The following TEAD3 variants were observed in gnomAD, a reference collection of about 807,000 sequenced individuals.
The protein encoded by TEAD3 is transcriptional enhancer factor TEF-5.
A neutral mutation model predicts 55.6 loss-of-function variants in TEAD3; 15 were observed. The ratio of observed to expected loss-of-function variants is 0.27; its 90% CI spans 0.18 to 0.42. TEAD3 has a LOEUF of 0.42. Among genes scored for constraint, TEAD3 ranks in the 10% least tolerant of loss-of-function variants. The pLI, the probability that TEAD3 is intolerant of heterozygous loss-of-function variation, is 1.00. For missense variants in TEAD3, 407 were observed against 576.8 expected, an observed-to-expected ratio of 0.71 and a Z score of 3.01; for synonymous variants, 210 against 232.2, an observed-to-expected ratio of 0.90 and a Z score of 0.87.
Position 35,480,394 on chromosome 6 carries a change from C to T in TEAD3, c.268-272G>A. ...GGACACCTAGGGGCCGCCCCGCGCC[C>T]CGCCAGAGAGGAAAACATAGACAGT... On this transcript the variant is annotated intron_variant, in intron 3 of 12. Coordinates refer to ENST00000639578, the Ensembl canonical transcript of TEAD3. 1.9e-6 allele frequency: 3 copies of T among 1,613,308 alleles called. No homozygotes were observed. Among genetic ancestry groups the T allele is most frequent in the Non-Finnish European group, 2.5e-6 (3 of 1,179,670 alleles).
chr6:35,486,728 C>T lies in TEAD3; in HGVS notation c.-49-17G>A. ...CGGCTGAGCCTGGGGGACAGACAGA[C>T]AGGAACTGGGACCAGGGTCCTCCTC... On this transcript the variant is annotated splice_polypyrimidine_tract_variant and intron_variant, in intron 1 of 12. Transcript: ENST00000639578. This position sits in a 1 kb window ranked among gnomAD's most constrained non-coding sequence, Gnocchi z 7.3. 6.4e-7 allele frequency: 1 copy of T among 1,552,578 alleles called. No individual in the cohort carries two copies. The highest frequency in any genetic ancestry group is 8.8e-7 in the Non-Finnish European group (1 of 1,137,944).
Position 35,475,113 on chromosome 6 carries a change from A to G in TEAD3, c.1239T>C (p.Ala413=), listed in dbSNP as rs1490851091. Residue 413 remains alanine (A), a synonymous_variant, in exon 13 of 13, where the codon GCT becomes GCC. Coordinates refer to ENST00000639578, the Ensembl canonical transcript of TEAD3. The surrounding 1 kb of genome is among the most constrained non-coding windows in gnomAD (Gnocchi z 5.4). ...CACTGGTGGAGACTTCGAAGACAAAAGCAATGACAAGCAGGGTCTCCTGGG... is the reference window on the plus strand; with the variant it reads ...CACTGGTGGAGACTTCGAAGACAAAGGCAATGACAAGCAGGGTCTCCTGGG... 2 of 1,593,882 alleles carry G rather than the reference A, an allele frequency of 1.3e-6. No individual in the cohort carries two copies. Among genetic ancestry groups the G allele is most frequent in the Non-Finnish European group, 1.7e-6 (2 of 1,169,846 alleles).
At chr6:35,493,413 AC>A (rs1768573587) in intron 1 of TEAD3, among the ~76,000 whole-genome samples, 1 of 151,740 alleles carries the variant, frequency 6.6e-6, no homozygotes, top group Non-Finnish European at 1.5e-5. Flanking sequence ...CACCCACACT[AC>A]CCGAGAGTCC....
intron 1 of TEAD3, among the ~76,000 whole-genome samples, chr6:35,487,807 A>G (rs371182516): frequency 1.3e-5 from 2 of 152,206 alleles, no homozygotes; most frequent in South Asian, 2.1e-4. Flanking sequence ...AATAAAGCCC[A>G]TTATCCAGAG....
In TEAD3 at chr6:35,484,429, T is replaced by A. The variant is rs780469909; in HGVS notation, c.267+131A>T. On this transcript the variant is annotated intron_variant, in intron 3 of 12. Transcript: ENST00000639578. This position sits in a 1 kb window ranked among gnomAD's most constrained non-coding sequence, Gnocchi z 5.8. ...AATCGAGGGGGTAAGGGGAGTGTGATGAGGCAAGGAGGGTGGCAGTCCAGG... is the reference window on the plus strand; with the variant it reads ...AATCGAGGGGGTAAGGGGAGTGTGAAGAGGCAAGGAGGGTGGCAGTCCAGG... The A allele has an allele frequency of 1.7e-5, 14 of 807,156 alleles. No homozygotes were observed. The highest frequency in any genetic ancestry group is 4.2e-5 in the Admixed American group (2 of 47,286). 50.0% of individuals were successfully genotyped at this position (807,156 alleles called of 1,614,324 possible).
At chr6:35,476,950 G>A (rs1175646595) in intron 8 of TEAD3, among the ~76,000 whole-genome samples, 1 of 152,136 alleles carries the variant, frequency 6.6e-6, no homozygotes, top group Non-Finnish European at 1.5e-5. Flanking sequence ...AGCCTCCCAA[G>A]TAGCTGGGAC....
At chr6:35,493,479 C>T (rs1426426698) in intron 1 of TEAD3, among the ~76,000 whole-genome samples, 1 of 152,160 alleles carries the variant, frequency 6.6e-6, no homozygotes, top group Non-Finnish European at 1.5e-5. Flanking sequence ...AGTCACGCCC[C>T]ACGGTTTCTC....
intron 1 of TEAD3, among the ~76,000 whole-genome samples, chr6:35,495,262 A>C (rs1454711283): frequency 6.6e-6 from 1 of 152,214 alleles, no homozygotes; most frequent in Non-Finnish European, 1.5e-5. Flanking sequence ...AGAAAGTGCC[A>C]GGGTCTACAA....
chr6:35,474,777 A>C (rs1203679144), downstream of TEAD3: 1 of 436,332 alleles, frequency 2.3e-6, no homozygotes, highest in Non-Finnish European at 4.1e-6. Context: ...AGGTCACGCG[A>C]GGCTGGGCAG....
Position 35,475,954 on chromosome 6 carries a change from C to T in TEAD3, c.865G>A (p.Gly289Arg). 1 of 1,547,636 alleles carries T rather than the reference C, an allele frequency of 6.5e-7. No homozygotes were observed. The highest frequency in any genetic ancestry group is 1.8e-4 in the Middle Eastern group (1 of 5,710). Reference sequence around the variant, plus strand: ...ACAAGGAAGAAGGCATTAGGGGGCCCCTTCTCATAGAGCTCCTTCAATCCT... The same window carrying T: ...ACAAGGAAGAAGGCATTAGGGGGCCTCTTCTCATAGAGCTCCTTCAATCCT... Residue 289 changes from glycine (G) to arginine (R), a missense_variant, in exon 10 of 13, where the codon GGG becomes AGG. Transcript: ENST00000639578. This position sits in a 1 kb window ranked among gnomAD's most constrained non-coding sequence, Gnocchi z 5.4.
Position 35,491,120 on chromosome 6 carries a change from A to C in TEAD3, c.-49-4409T>G, listed in dbSNP as rs1437915515. Among the ~76,000 whole-genome samples the C allele has an allele frequency of 6.6e-6, 1 of 152,066 alleles. No individual in the cohort carries two copies. The highest frequency in any genetic ancestry group is 1.5e-5 in the Non-Finnish European group (1 of 67,998). ...AACAGACCAGAGACAGGAGAGTCCCAGTGAGTGACAGACAGAAAGCCCAAC... is the reference window on the plus strand; with the variant it reads ...AACAGACCAGAGACAGGAGAGTCCCCGTGAGTGACAGACAGAAAGCCCAAC... On this transcript the variant is annotated intron_variant, in intron 1 of 12. Coordinates refer to ENST00000639578, the Ensembl canonical transcript of TEAD3. This position sits in a 1 kb window ranked among gnomAD's most constrained non-coding sequence, Gnocchi z 4.4.
downstream of TEAD3, chr6:35,473,881 CAT>C (rs1561802098): frequency 1.3e-5 from 2 of 152,476 alleles, no homozygotes; most frequent in African/African-American, 4.8e-5. Context: ...ATATGAAACT[CAT>C]AAATACCCAC....
Position 35,475,209 on chromosome 6 carries a change from G to C in TEAD3, c.1195-52C>G. On this transcript the variant is annotated intron_variant, in intron 12 of 12. Coordinates refer to ENST00000639578, the Ensembl canonical transcript of TEAD3. This position sits in a 1 kb window ranked among gnomAD's most constrained non-coding sequence, Gnocchi z 5.4. ...AGGAGGTCAGGGAGAAAAGGGCCAC[G>C]GGGCAGGGGGCTGAACAGACCATTC... 3 of 1,570,592 alleles carry C rather than the reference G, an allele frequency of 1.9e-6. No homozygotes were observed. Among genetic ancestry groups the C allele is most frequent in the Non-Finnish European group, 2.6e-6 (3 of 1,155,962 alleles).
chr6:35,492,702 G>T (rs1317458474), intron 1 of TEAD3, among the ~76,000 whole-genome samples: 1 of 150,932 alleles, frequency 6.6e-6, no homozygotes, highest in Non-Finnish European at 1.5e-5. Flanking sequence ...CTTTCTCAGG[G>T]AGCAGAGGGG....
chr6:35,477,364 G>C (rs748652025), exon 8 of TEAD3: 1 of 1,602,074 alleles, frequency 6.2e-7, no homozygotes, highest in South Asian at 1.1e-5. Flanking sequence ...CTGTGCAAAG[G>C]GCTTGATGCT....
chr6:35,489,328 G>A (rs1319454686), intron 1 of TEAD3, among the ~76,000 whole-genome samples: 1 of 152,172 alleles, frequency 6.6e-6, no homozygotes, highest in Non-Finnish European at 1.5e-5. Flanking sequence ...CAACAAGTAA[G>A]TACTAGGGCT....
exon 4 of TEAD3, chr6:35,480,100 A>C: frequency 6.5e-7 from 1 of 1,532,094 alleles, no homozygotes; most frequent in Non-Finnish European, 8.8e-7. Context: ...CCGCCTGGCT[A>C]GAACTTGCAA....
chr6:35,492,396 T>C (rs1768544048), intron 1 of TEAD3, among the ~76,000 whole-genome samples: 1 of 151,610 alleles, frequency 6.6e-6, no homozygotes, highest in African/African-American at 2.4e-5. Context: ...ACCCTAGAAG[T>C]AGCCATGCTC....
In TEAD3 at chr6:35,484,576, G is replaced by A; in HGVS notation, c.251C>T (p.Thr84Ile). The A allele has an allele frequency of 6.2e-7, 1 of 1,605,358 alleles. No homozygotes were observed. The change falls in exon 3 of 13, where the codon ACT (threonine) becomes ATT (isoleucine). Residue 84 changes from threonine to isoleucine, a missense_variant. Physicochemically the swap from Thr to Ile is moderately conservative, Grantham distance 89 (BLOSUM62 -1). Transcript: ENST00000639578. This position sits in a 1 kb window ranked among gnomAD's most constrained non-coding sequence, Gnocchi z 5.8. ...TCTCTCTACCTGTTTTCTCGTCCGAGTCTTCCCCGTCCTCAGTTTAATATA... is the reference window on the plus strand; with the variant it reads ...TCTCTCTACCTGTTTTCTCGTCCGAATCTTCCCCGTCCTCAGTTTAATATA...
Sources: gnomAD v4.1 joint callset for allele counts (sites outside exome capture counted in the v4.1 genomes callset) on GRCh38, gnomAD v4.1.1 for gene constraint, Gnocchi (gnomAD v3.1) non-coding constraint, MANE v1.5 for transcripts, NCBI Gene and HGNC (gene_info 2026-07-23, HGNC 2026-07-21) for gene names.